Variants in FGD6 observed in about 807,000 individuals in gnomAD.
FGD6 encodes FYVE, RhoGEF and PH domain containing 6.
A neutral mutation model predicts 149.4 loss-of-function variants in FGD6; 90 were observed. The ratio of observed to expected loss-of-function variants is 0.60; its 90% CI spans 0.51 to 0.72. The LOEUF is 0.72. Among genes scored for constraint, FGD6 ranks in the 30% least tolerant of loss-of-function variants. The probability of loss-of-function intolerance (pLI) is 0.00; values close to 1 mark genes in which losing one functional copy is unlikely to be tolerated. For missense variants in FGD6, 1,437 were observed against 1,684.8 expected, an observed-to-expected ratio of 0.85 and a Z score of 2.57; for synonymous variants, 527 against 584.0, an observed-to-expected ratio of 0.90 and a Z score of 1.41.
chr12:95,177,908 AATTT>A (rs71078616), intron 2 of FGD6, among the ~76,000 whole-genome samples: 12,223 of 142,258 alleles, frequency 0.086, 728 homozygotes, highest in Non-Finnish European at 0.11. Context: ...TTTAAACAAC[AATTT>A]ATTTATTTAT....
chr12:95,214,678 TACTA>T lies in FGD6; in HGVS notation c.16+2543_16+2546del, dbSNP rs919813520. Among the ~76,000 whole-genome samples, 8 of 152,298 alleles carry T rather than the reference TACTA, an allele frequency of 5.3e-5. No individual in the cohort carries two copies. In the East Asian group the frequency reaches 7.7e-4, roughly 15 times the overall value. ...AGAAAGTAAAGCACTAGTACCATTT[TACTA>T]ACTATTACAAACATACTCGTCATCT... On this transcript the variant is annotated intron_variant, in intron 1 of 20. Transcript: ENST00000343958.
intron 3 of FGD6, among the ~76,000 whole-genome samples, chr12:95,154,563 T>C (rs1398575842): frequency 6.6e-6 from 1 of 152,180 alleles, no homozygotes; most frequent in Admixed American, 6.6e-5. Context: ...ATTTTAGATG[T>C]TACACCTAAG....
chr12:95,138,672 T>C (rs930670051), intron 6 of FGD6, among the ~76,000 whole-genome samples: 1 of 152,244 alleles, frequency 6.6e-6, no homozygotes, highest in Admixed American at 6.5e-5. Flanking sequence ...TTTATCTTCT[T>C]TGGAGACATG....
chr12:95,108,311 C>T (rs768621476), intron 11 of FGD6, 37 bp downstream of exon 11: 32 of 1,566,934 alleles, frequency 2.0e-5, no homozygotes, highest in African/African-American at 2.7e-5. Context: ...CTAAATGCAT[C>T]GTATTAAGTT....
intron 9 of FGD6, among the ~76,000 whole-genome samples, chr12:95,112,094 T>C (rs1878843557): frequency 6.6e-6 from 1 of 150,434 alleles, no homozygotes; most frequent in Non-Finnish European, 1.5e-5. Flanking sequence ...ATTAGCAGGG[T>C]GTGATGGTAT....
chr12:95,083,097 T>G (rs113228061), intron 20 of FGD6, among the ~76,000 whole-genome samples: 9,365 of 132,938 alleles, frequency 0.07, 387 homozygotes, highest in Middle Eastern at 0.11. Flanking sequence ...ACACTTGAAA[T>G]CACTCAGTTT....
At position 95,134,686 on chromosome 12, in the gene FGD6, T is replaced by C. The variant is rs1879617200; in HGVS notation, c.3082+53A>G. On this transcript the variant is annotated intron_variant, in intron 8 of 20. Coordinates refer to ENST00000343958, the MANE Select transcript of FGD6 (RefSeq NM_018351.4). ...CCGAGTTTCATAAAGGCAAGAAGAG[T>C]TGGCTGATGGATAAACCAACTGGGT... The C allele has an allele frequency of 5.2e-6, 8 of 1,524,102 alleles. No individual in the cohort carries two copies. The East Asian group carries it at 6.8e-5, about 13-fold the overall frequency. The allele number at this position is 1,524,102 out of a possible 1,614,324, so 94.4% of individuals were successfully genotyped here.
At chr12:95,143,028 G>C (rs1481318332) in intron 5 of FGD6, among the ~76,000 whole-genome samples, 3 of 152,128 alleles carry the variant, frequency 2.0e-5, no homozygotes, top group Non-Finnish European at 4.4e-5. Flanking sequence ...GTAAAACAGA[G>C]TGAAATCTGT....
At chr12:95,183,586 C>T (rs1026856271) in intron 2 of FGD6, among the ~76,000 whole-genome samples, 3 of 152,116 alleles carry the variant, frequency 2.0e-5, no homozygotes, top group Non-Finnish European at 4.4e-5. Context: ...AGCGGTGGTT[C>T]CCAGCAATTT....
At chr12:95,180,643 C>G (rs762467683) in intron 2 of FGD6, among the ~76,000 whole-genome samples, 15 of 151,990 alleles carry the variant, frequency 9.9e-5, no homozygotes, top group Non-Finnish European at 1.9e-4. Context: ...AGTGATCTGC[C>G]TGCCTCAGCC....
At chr12:95,174,009 G>A (rs1881063335) in intron 2 of FGD6, among the ~76,000 whole-genome samples, 1 of 152,146 alleles carries the variant, frequency 6.6e-6, no homozygotes, top group African/African-American at 2.4e-5. Flanking sequence ...AGTGCCAAAA[G>A]GAACACCTCT....
rs558912277 is a variant in FGD6 at position 95,160,073 on chromosome 12, G to A, written c.2587-7080C>T. Among the ~76,000 whole-genome samples the A allele has an allele frequency of 2.6e-5, 4 of 151,150 alleles. No homozygotes were observed. The East Asian group carries it at 5.8e-4, about 22-fold the overall frequency. ...TAACTCAAACAAAAAGGCTGTGTGCGGTGGCTCACGCTTGTAACCCTAGCA... is the reference window on the plus strand; with the variant it reads ...TAACTCAAACAAAAAGGCTGTGTGCAGTGGCTCACGCTTGTAACCCTAGCA... On this transcript the variant is annotated intron_variant, in intron 3 of 20. Coordinates refer to ENST00000343958, the MANE Select transcript of FGD6 (RefSeq NM_018351.4).
At chr12:95,177,908 AATTTATTTATTT>A (rs71078616) in intron 2 of FGD6, among the ~76,000 whole-genome samples, 11 of 142,384 alleles carry the variant, frequency 7.7e-5, no homozygotes, top group African/African-American at 2.6e-4. Flanking sequence ...TTTAAACAAC[AATTTATTTATTT>A]ATTTATTTAT....
At chr12:95,125,905 C>A in intron 8 of FGD6, 1 of 1,412,182 alleles carries the variant, frequency 7.1e-7, no homozygotes, top group South Asian at 1.2e-5. Context: ...AGGAGACAGG[C>A]CATGCCTTTC....
At chr12:95,121,481 GTATA>G (rs71830420) in intron 8 of FGD6, among the ~76,000 whole-genome samples, 78,266 of 121,578 alleles carry the variant, frequency 0.64, 24,023 homozygotes, top group Middle Eastern at 0.72. Flanking sequence ...ATATATATAT[GTATA>G]TATATATATA....
In FGD6 at chr12:95,080,197, C is replaced by A. The variant is rs575652336; in HGVS notation, c.*1323G>T. Reference sequence around the variant, plus strand: ...GATCTCCTGACCTCAGGTGGTCCAACGGCCTCGGCCTCCCAAAATGCTGAG... The same window carrying A: ...GATCTCCTGACCTCAGGTGGTCCAAAGGCCTCGGCCTCCCAAAATGCTGAG... On this transcript the variant is annotated 3_prime_UTR_variant, in exon 21 of 21. Coordinates refer to ENST00000343958, the MANE Select transcript of FGD6 (RefSeq NM_018351.4). 6.6e-6 allele frequency: 1 copy of A among 152,162 alleles called. No homozygotes were observed. Among genetic ancestry groups the A allele is most frequent in the Non-Finnish European group, 1.5e-5 (1 of 68,032 alleles). The allele number at this position is 152,162 out of a possible 1,614,324, so 9.4% of individuals were successfully genotyped here. A position where few individuals can be genotyped will look rare whatever the true frequency, so the allele number is the denominator to read the frequency against.
intron 2 of FGD6, among the ~76,000 whole-genome samples, chr12:95,180,371 GATT>G (rs1203498132): frequency 1.8e-5 from 2 of 111,034 alleles, no homozygotes; most frequent in African/African-American, 7.1e-5. Context: ...ATAAAAGACA[GATT>G]TTTTTTTTTT....
Position 95,210,981 on chromosome 12 carries a change from C to G in FGD6, c.303G>C (p.Gln101His). Residue 101 changes from glutamine to histidine, a missense_variant, in exon 2 of 21, where the codon CAG becomes CAC. By Grantham distance (24) the Gln-to-His change is conservative. This residue lies in a region of FGD6 where 1,055 missense variants were observed against 1,146.0 expected (regional missense o/e 0.92). Transcript: ENST00000343958. Reference sequence around the variant, plus strand: ...ACATTGGTGAAATATAATCATTGCTCTGATTGCCTTCATATTTACAATTAA... The same window carrying G: ...ACATTGGTGAAATATAATCATTGCTGTGATTGCCTTCATATTTACAATTAA... ...DNFNCKYEGN[Q>H]SNDYISPMCS... 1 of 1,614,240 alleles carries G rather than the reference C, an allele frequency of 6.2e-7. No homozygotes were observed. The highest frequency in any genetic ancestry group is 8.5e-7 in the Non-Finnish European group (1 of 1,180,048).
Position 95,122,944 on chromosome 12 carries a change from T to A in FGD6, c.3083-9243A>T, listed in dbSNP as rs375157994. Among the ~76,000 whole-genome samples the A allele has an allele frequency of 9.6e-4, 145 of 151,644 alleles. No homozygotes were observed. The Middle Eastern group carries it at 0.031, about 32-fold the overall frequency. ...TAAAAATACAAAAATTAGCTGGGCA[T>A]GGTGGTGCATGCCTCCAGTCCCAGC... On this transcript the variant is annotated intron_variant, in intron 8 of 20. Coordinates refer to ENST00000343958, the MANE Select transcript of FGD6 (RefSeq NM_018351.4).
Sources: allele counts gnomAD v4.1 joint callset (sites outside exome capture counted in the v4.1 genomes callset), GRCh38; gene constraint gnomAD v4.1.1; regional missense constraint gnomAD v4.1.1; transcripts MANE v1.5; gene names NCBI Gene and HGNC (gene_info 2026-07-23, HGNC 2026-07-21).